The following PTPRT variants were observed in gnomAD, a reference collection of about 807,000 sequenced individuals.
PTPRT encodes protein tyrosine phosphatase receptor type T, also known as receptor-type tyrosine-protein phosphatase T.
A neutral mutation model predicts 176.8 loss-of-function variants in PTPRT; 56 were observed. The observed-to-expected ratio is 0.32, with a 90% CI of 0.26 to 0.40. The LOEUF is 0.40. Ranked by LOEUF, PTPRT falls within the 10% of genes least tolerant of loss-of-function variation. The probability of loss-of-function intolerance (pLI) is 1.00; values close to 1 mark genes in which losing one functional copy is unlikely to be tolerated. For missense variants in PTPRT, 1,540 were observed against 1,908.2 expected (o/e 0.81, Z 3.60); for synonymous variants, 783 against 739.0 (o/e 1.06, Z -0.96).
Position 42,079,817 on chromosome 20 carries a change from C to T in PTPRT, c.*1062G>A, listed in dbSNP as rs1983136272. The T allele has an allele frequency of 4.3e-6, 1 of 230,496 alleles. No homozygotes were observed. The highest frequency in any genetic ancestry group is 6.1e-5 in the East Asian group (1 of 16,276). The allele number at this position is 230,496 out of a possible 1,614,324, so 14.3% of individuals were successfully genotyped here. On this transcript the variant is annotated 3_prime_UTR_variant, in exon 31 of 31. Transcript: ENST00000373187. ...CCATCTTCAGGCTCACCCATCTCTC[C>T]TTGCTCAGTGGCATGCTGTCCCAGG...
chr20:42,508,972 T>A (rs1246932745), intron 7 of PTPRT, among the ~76,000 whole-genome samples: 4 of 133,178 alleles, frequency 3.0e-5, no homozygotes, highest in Non-Finnish European at 6.3e-5. Context: ...TAGATATAAA[T>A]TATATAATTT....
At chr20:42,107,601 G>C (rs943612234) in intron 23 of PTPRT, among the ~76,000 whole-genome samples, 2 of 152,228 alleles carry the variant, frequency 1.3e-5, no homozygotes, top group Non-Finnish European at 2.9e-5. Context: ...GCCCTTTCTA[G>C]ATCAGTGCTG....
intron 1 of PTPRT, among the ~76,000 whole-genome samples, chr20:42,973,950 G>A (rs1355587622): frequency 6.6e-6 from 1 of 152,126 alleles, no homozygotes; most frequent in Admixed American, 6.5e-5. Context: ...GTGATTCCTA[G>A]CACTACAGTC....
intron 5 of PTPRT, among the ~76,000 whole-genome samples, chr20:42,763,922 G>T (rs1317731955): frequency 3.3e-5 from 5 of 152,118 alleles, no homozygotes; most frequent in South Asian, 4.1e-4. Context: ...AGGGCTTGGT[G>T]GGGGACAAAG....
intron 7 of PTPRT, among the ~76,000 whole-genome samples, chr20:42,530,228 G>A (rs1489136265): frequency 6.6e-6 from 1 of 152,214 alleles, no homozygotes; most frequent in Non-Finnish European, 1.5e-5. Context: ...GCATATCTCT[G>A]AAAGGAGCCC....
intron 8 of PTPRT, among the ~76,000 whole-genome samples, chr20:42,464,266 A>G (rs567009178): frequency 6.6e-6 from 1 of 152,364 alleles, no homozygotes; most frequent in South Asian, 2.1e-4. Context: ...TTCAACAACG[A>G]GCCCATACTA....
At chr20:43,148,211 TCA>T (rs1172169759) in intron 1 of PTPRT, among the ~76,000 whole-genome samples, 8 of 152,234 alleles carry the variant, frequency 5.3e-5, no homozygotes, top group African/African-American at 1.9e-4. Flanking sequence ...CTGCATATCC[TCA>T]TATTAAATAT....
intron 6 of PTPRT, among the ~76,000 whole-genome samples, chr20:42,681,667 C>T (rs2075606259): frequency 6.6e-6 from 1 of 152,174 alleles, no homozygotes; most frequent in African/African-American, 2.4e-5. Context: ...ATCTTGGCTG[C>T]ATGGAGCTCC....
intron 7 of PTPRT, among the ~76,000 whole-genome samples, chr20:42,502,723 T>G (rs2145421858): frequency 6.6e-6 from 1 of 152,202 alleles, no homozygotes; most frequent in East Asian, 1.9e-4. Flanking sequence ...TGGTGCCAGA[T>G]TTTTTAGCTA....
At chr20:42,331,545 T>G (rs2057964581) in intron 11 of PTPRT, among the ~76,000 whole-genome samples, 1 of 152,190 alleles carries the variant, frequency 6.6e-6, no homozygotes, top group Admixed American at 6.5e-5. Context: ...GCAGGCATAC[T>G]TATTTGCCAG....
intron 1 of PTPRT, among the ~76,000 whole-genome samples, chr20:43,120,461 C>T (rs940005166): frequency 2.0e-5 from 3 of 152,102 alleles, no homozygotes; most frequent in Admixed American, 6.5e-5. Context: ...TTAGTAGAGA[C>T]GGGGTTTCAC....
intron 7 of PTPRT, among the ~76,000 whole-genome samples, chr20:42,526,013 T>C (rs1487263686): frequency 6.6e-6 from 1 of 150,576 alleles, no homozygotes; most frequent in African/African-American, 2.5e-5. Context: ...CTATGGAGAG[T>C]GTTTTTTTTT....
At chr20:43,105,205 G>A (rs1269773415) in intron 1 of PTPRT, among the ~76,000 whole-genome samples, 1 of 152,112 alleles carries the variant, frequency 6.6e-6, no homozygotes, top group Admixed American at 6.5e-5. Context: ...CAAACCTACT[G>A]AATCAGTAAC....
chr20:42,573,874 G>A (rs2073208033), intron 7 of PTPRT, among the ~76,000 whole-genome samples: 1 of 150,828 alleles, frequency 6.6e-6, no homozygotes, highest in Non-Finnish European at 1.5e-5. Context: ...TCAGCCTCTG[G>A]AGTAGCTGGG....
chr20:42,625,339 G>A (rs925130253), intron 7 of PTPRT, among the ~76,000 whole-genome samples: 9 of 152,132 alleles, frequency 5.9e-5, no homozygotes, highest in Admixed American at 1.3e-4. Flanking sequence ...AAAAATGAAA[G>A]AGGGAGAACG....
chr20:42,410,296 A>G (rs1435648032), intron 9 of PTPRT, among the ~76,000 whole-genome samples: 1 of 152,178 alleles, frequency 6.6e-6, no homozygotes, highest in African/African-American at 2.4e-5. Flanking sequence ...AATCAAACAT[A>G]TTTCCATCTA....
chr20:42,898,450 C>T (rs2079342898), intron 1 of PTPRT, among the ~76,000 whole-genome samples: 2 of 152,178 alleles, frequency 1.3e-5, no homozygotes, highest in African/African-American at 4.8e-5. Context: ...CTAAGTGATC[C>T]TCCCTCCTGG....
intron 1 of PTPRT, among the ~76,000 whole-genome samples, chr20:43,023,003 G>A (rs1985761063): frequency 6.6e-6 from 1 of 152,208 alleles, no homozygotes; most frequent in African/African-American, 2.4e-5. Context: ...GGCCCTCATA[G>A]CAAGGGCAGG....
intron 7 of PTPRT, among the ~76,000 whole-genome samples, chr20:42,614,828 G>A (rs1002450963): frequency 6.6e-6 from 1 of 152,026 alleles, no homozygotes; most frequent in African/African-American, 2.4e-5. Context: ...CATGGCAGAA[G>A]GCAAGGAAGA....
Sources: allele counts gnomAD v4.1 joint callset (sites outside exome capture counted in the v4.1 genomes callset), GRCh38; gene constraint gnomAD v4.1.1; transcripts MANE v1.5; gene names NCBI Gene and HGNC (gene_info 2026-07-23, HGNC 2026-07-21).